Variants in PRKN observed in about 807,000 individuals in gnomAD.
PRKN encodes E3 ubiquitin-protein ligase parkin.
In PRKN, 56 loss-of-function variants were observed where a neutral mutation model predicts 59.5. That is an observed-to-expected ratio of 0.94 (90% CI 0.76 to 1.18). PRKN has a LOEUF of 1.18. Ranked by LOEUF, PRKN falls within the 50% of genes most tolerant of loss-of-function variation. The pLI is 0.00. For synonymous variants in PRKN, 250 were observed against 222.1 expected (o/e 1.13, Z -1.12); for missense variants, 657 against 596.4 (o/e 1.10, Z -1.06).
chr6:161,913,170 GA>G (rs762633376), intron 6 of PRKN, among the ~76,000 whole-genome samples: 6,888 of 86,540 alleles, frequency 0.08, 183 homozygotes, highest in South Asian at 0.19. Flanking sequence ...TCCATCTCAG[GA>G]AAAAAAAAAA....
intron 7 of PRKN, among the ~76,000 whole-genome samples, chr6:161,748,688 C>G (rs1455641902): frequency 2.0e-5 from 3 of 152,096 alleles, no homozygotes; most frequent in Non-Finnish European, 4.4e-5. Flanking sequence ...CTGCAGGTGC[C>G]TTTAGTGAGA....
intron 3 of PRKN, among the ~76,000 whole-genome samples, chr6:162,203,128 C>A (rs1784798734): frequency 6.6e-6 from 1 of 152,244 alleles, no homozygotes; most frequent in Admixed American, 6.5e-5. Context: ...CTAAGTGACT[C>A]TTCTCTCTCC....
At chr6:162,098,749 ATG>A (rs1162126273) in intron 4 of PRKN, among the ~76,000 whole-genome samples, 1 of 152,202 alleles carries the variant, frequency 6.6e-6, no homozygotes, top group Non-Finnish European at 1.5e-5. Flanking sequence ...CATTTCTTCC[ATG>A]TACTTGTGAG....
Position 161,409,169 on chromosome 6 carries a change from C to T in PRKN, c.1084-22292G>A, listed in dbSNP as rs1054740533. Among the ~76,000 whole-genome samples the T allele has an allele frequency of 1.3e-5, 2 of 152,126 alleles. No homozygotes were observed. The highest frequency in any genetic ancestry group is 2.9e-5 in the Non-Finnish European group (2 of 68,034). ...CCATATTGGCCAGGCTGGTCTCGAA[C>T]TCCTGACCTTGTGATCCACCCGCAC... is the stretch of plus-strand genomic sequence containing the variant. On this transcript the variant is annotated intron_variant, in intron 9 of 11. Coordinates refer to ENST00000366898, the MANE Select transcript of PRKN (RefSeq NM_004562.3). This position sits in a 1 kb window ranked among gnomAD's most constrained non-coding sequence, Gnocchi z 4.6.
At chr6:162,596,586 A>G (rs1031540212) in intron 1 of PRKN, among the ~76,000 whole-genome samples, 3 of 152,264 alleles carry the variant, frequency 2.0e-5, no homozygotes, top group Admixed American at 2.0e-4. Context: ...AAACTAAAGC[A>G]GAAAGCATAT....
intron 3 of PRKN, among the ~76,000 whole-genome samples, chr6:162,239,468 C>A (rs111301185): frequency 2.0e-5 from 3 of 152,058 alleles, no homozygotes; most frequent in African/African-American, 7.2e-5. Context: ...TAAATAGAGG[C>A]CCGGCATGGT....
In PRKN at chr6:161,444,082, G is replaced by C. The variant is rs1401287166; in HGVS notation, c.1084-57205C>G. 6.6e-6 allele frequency among the ~76,000 whole-genome samples: 1 copy of C among 152,206 alleles called. No individual in the cohort carries two copies. Among genetic ancestry groups the C allele is most frequent in the African/African-American group, 2.4e-5 (1 of 41,452 alleles). ...AGCAAAAGTGTGGGAGGCTGGGTGG[G>C]GCCGGTGAGCTCTGGAGCTTCTGGC... On this transcript the variant is annotated intron_variant, in intron 9 of 11. Coordinates refer to ENST00000366898, the MANE Select transcript of PRKN (RefSeq NM_004562.3). The surrounding 1 kb of genome is among the most constrained non-coding windows in gnomAD (Gnocchi z 5.6).
In PRKN at chr6:162,528,408, A is replaced by G. The variant is rs1251452168; in HGVS notation, c.8-84935T>C. On this transcript the variant is annotated intron_variant, in intron 1 of 11. Coordinates refer to ENST00000366898, the MANE Select transcript of PRKN (RefSeq NM_004562.3). ...AAGTTATAATAGAAGAGCAAAGATC[A>G]GTAAGAAATAAATATAAATAATAGT... Among the ~76,000 whole-genome samples the G allele has an allele frequency of 3.5e-4, 54 of 152,164 alleles. 1 individual carries two copies. Among genetic ancestry groups the G allele is most frequent in the Admixed American group, 3.5e-3 (53 of 15,276 alleles).
chr6:162,111,935 A>G (rs752798243), intron 4 of PRKN, among the ~76,000 whole-genome samples: 11 of 152,212 alleles, frequency 7.2e-5, no homozygotes, highest in Non-Finnish European at 1.5e-4. Flanking sequence ...GAAAGCAGAA[A>G]CTGTGTTCCA....
At chr6:162,533,196 T>C (rs1274598116) in intron 1 of PRKN, among the ~76,000 whole-genome samples, 3 of 152,182 alleles carry the variant, frequency 2.0e-5, no homozygotes, top group Non-Finnish European at 4.4e-5. Context: ...CCAGTTACAA[T>C]GCTATTGTTC....
At chr6:162,466,701 T>C (rs1466732359) in intron 1 of PRKN, among the ~76,000 whole-genome samples, 1 of 151,940 alleles carries the variant, frequency 6.6e-6, no homozygotes, top group African/African-American at 2.4e-5. Context: ...AGCCACCACA[T>C]CCATTTCACT....
intron 1 of PRKN, among the ~76,000 whole-genome samples, chr6:162,719,183 ATTCAGAC>A (rs1778840624): frequency 1.3e-5 from 2 of 152,204 alleles, no homozygotes; most frequent in African/African-American, 4.8e-5. Flanking sequence ...GATCCTATGA[ATTCAGAC>A]ATATTCATGT....
Position 161,549,118 on chromosome 6 carries a change from A to ATGTG in PRKN, c.934-119_934-116dup, listed in dbSNP as rs59889520. On this transcript the variant is annotated intron_variant, in intron 8 of 11. Transcript: ENST00000366898. This position sits in a 1 kb window ranked among gnomAD's most constrained non-coding sequence, Gnocchi z 6.0. ...TTAACCAGTTTCAGTAAAATAATGC[A>ATGTG]TGTGTGTGTGTGTGTGTGTGTGTAG... 142 of 873,292 alleles carry ATGTG rather than the reference A, an allele frequency of 1.6e-4. 2 individuals are homozygous for ATGTG. Among genetic ancestry groups the ATGTG allele is most frequent in the South Asian group, 1.1e-3 (75 of 66,308 alleles). 54.1% of individuals were successfully genotyped at this position (873,292 alleles called of 1,614,324 possible).
chr6:162,105,737 T>C (rs1780167946), intron 4 of PRKN, among the ~76,000 whole-genome samples: 1 of 152,184 alleles, frequency 6.6e-6, no homozygotes. Flanking sequence ...CATATGTTTC[T>C]TCCACCAATA....
intron 5 of PRKN, among the ~76,000 whole-genome samples, chr6:162,051,278 C>T (rs28580413): frequency 0.39 from 59,502 of 151,940 alleles, 12,873 homozygotes; most frequent in East Asian, 0.62. Context: ...GCCGTCTATG[C>T]GAGATTCTTC....
rs1255989253 is a variant in PRKN, at chr6:161,388,603, T to C, written c.1084-1726A>G. Among the ~76,000 whole-genome samples, 1 of 152,242 alleles carries C rather than the reference T, an allele frequency of 6.6e-6. No individual in the cohort carries two copies. On this transcript the variant is annotated intron_variant, in intron 9 of 11. Coordinates refer to ENST00000366898, the MANE Select transcript of PRKN (RefSeq NM_004562.3). This position sits in a 1 kb window ranked among gnomAD's most constrained non-coding sequence, Gnocchi z 4.3. ...TGAGAGGTGGGCTTTATGTCTCTTC[T>C]GCTGACAGCCAGATGTGTTGAGTAC...
At chr6:161,946,208 G>A (rs961623589) in intron 6 of PRKN, among the ~76,000 whole-genome samples, 8 of 152,050 alleles carry the variant, frequency 5.3e-5, no homozygotes, top group South Asian at 2.1e-4. Context: ...AATAAATAGC[G>A]TACTTTGGAA....
At chr6:162,003,937 A>T (rs1045506474) in intron 5 of PRKN, among the ~76,000 whole-genome samples, 7 of 152,144 alleles carry the variant, frequency 4.6e-5, no homozygotes, top group African/African-American at 1.7e-4. Context: ...TTGTCTTTTT[A>T]TCTTGCAACT....
intron 7 of PRKN, among the ~76,000 whole-genome samples, chr6:161,648,778 C>A (rs1387316798): frequency 6.6e-6 from 1 of 152,150 alleles, no homozygotes; most frequent in Non-Finnish European, 1.5e-5. Context: ...CATTCAAGCC[C>A]AGTCTAGAAC....
Sources: allele counts gnomAD v4.1 joint callset (sites outside exome capture counted in the v4.1 genomes callset), GRCh38; gene constraint gnomAD v4.1.1; non-coding constraint Gnocchi (gnomAD v3.1); transcripts MANE v1.5; gene names NCBI Gene and HGNC (gene_info 2026-07-23, HGNC 2026-07-21).